TANC1: variants seen among roughly 807,000 people sequenced by gnomAD.
TANC1 encodes the protein protein TANC1.
TANC1 carries 77 observed loss-of-function variants against 149.7 expected under a neutral mutation model. That is an observed-to-expected ratio of 0.51 (90% CI 0.43 to 0.62). The LOEUF (loss-of-function observed/expected upper bound fraction) is 0.62, where lower values mean the gene tolerates loss of function less well. Ranked by LOEUF, TANC1 falls within the 20% of genes least tolerant of loss-of-function variation. TANC1 has a pLI of 0.00. For missense variants in TANC1, 1,985 were observed against 2,321.8 expected, an observed-to-expected ratio of 0.85 and a Z score of 2.98; for synonymous variants, 854 against 925.0, an observed-to-expected ratio of 0.92 and a Z score of 1.39.
chr2:159,150,349 C>T (rs749467223), intron 6 of TANC1, 21 bp from the exon 7 acceptor site: 1 of 1,608,558 alleles, frequency 6.2e-7, no homozygotes, highest in Admixed American at 1.7e-5. Flanking sequence ...GTGCTAACTC[C>T]TCCTTCCATT....
In TANC1 at chr2:159,196,751, G is replaced by A; in HGVS notation, c.3123G>A (p.Leu1041=). ...QPGTLRKSHA[L]QQALTAAASM... is the part of the protein sequence containing the mutation. ...GCACCCTGAGGAAGAGCCACGCCCT[G>A]CAGCAGGCGCTGACCGCGGCGGCCA... Residue 1041 remains leucine (L), a synonymous_variant, in exon 18 of 27, where the codon CTG becomes CTA. Coordinates refer to ENST00000263635, the MANE Select transcript of TANC1 (RefSeq NM_033394.3). The A allele has an allele frequency of 3.1e-6, 5 of 1,613,432 alleles. No individual in the cohort carries two copies. The highest frequency in any genetic ancestry group is 2.2e-5 in the East Asian group (1 of 44,872).
At chr2:159,081,034 C>T (rs1296122091) in intron 3 of TANC1, among the ~76,000 whole-genome samples, 2 of 152,200 alleles carry the variant, frequency 1.3e-5, no homozygotes, top group East Asian at 3.9e-4. Context: ...AGCCATGTCC[C>T]ACCACATCCT....
intron 15 of TANC1, among the ~76,000 whole-genome samples, 156 bp downstream of exon 15, chr2:159,186,055 G>A (rs537066601): frequency 6.6e-6 from 1 of 152,120 alleles, no homozygotes; most frequent in African/African-American, 2.4e-5. Context: ...AAAAGTAACC[G>A]CTGTTCTGAC....
chr2:159,054,666 C>T (rs941246231), intron 2 of TANC1, among the ~76,000 whole-genome samples: 1 of 152,182 alleles, frequency 6.6e-6, no homozygotes, highest in Non-Finnish European at 1.5e-5. Flanking sequence ...ATTTTAATTT[C>T]CTTAGGTTTA....
intron 3 of TANC1, among the ~76,000 whole-genome samples, chr2:159,071,911 C>T (rs1447745842): frequency 6.6e-6 from 1 of 152,130 alleles, no homozygotes; most frequent in Non-Finnish European, 1.5e-5. Flanking sequence ...TTTACTGGGG[C>T]ATTTAAACAA....
intron 2 of TANC1, among the ~76,000 whole-genome samples, chr2:159,033,952 CA>C (rs1441491111): frequency 6.6e-6 from 1 of 152,006 alleles, no homozygotes; most frequent in African/African-American, 2.4e-5. Flanking sequence ...CAGTAAAAAA[CA>C]AAAACAAAAA....
At chr2:159,004,734 C>CA (rs927412220) in intron 2 of TANC1, among the ~76,000 whole-genome samples, 11 of 151,430 alleles carry the variant, frequency 7.3e-5, no homozygotes, top group South Asian at 2.1e-4. Flanking sequence ...AACAAACAAA[C>CA]AAAAAAAACC....
intron 4 of TANC1, among the ~76,000 whole-genome samples, chr2:159,104,641 T>C (rs1239252529): frequency 1.1e-5 from 1 of 93,014 alleles, no homozygotes; most frequent in Non-Finnish European, 3.0e-5. Context: ...CTCAACCTCC[T>C]GGGCTCAAGC....
rs75704636 is a variant in TANC1 at position 159,225,791 on chromosome 2, C to A, written c.3903+12C>A. 2 of 1,602,978 alleles carry A rather than the reference C, an allele frequency of 1.2e-6. No homozygotes were observed. Among genetic ancestry groups the A allele is most frequent in the East Asian group, 4.5e-5 (2 of 44,786 alleles). The stretch of plus-strand genomic sequence containing the variant: ...ATGTGATGTACAAAGTAAGTGGTTC[C>A]GCCCTTTTCTTTGCCATTGAAACTG... On this transcript the variant is annotated intron_variant, in intron 24 of 26. Coordinates refer to ENST00000263635, the MANE Select transcript of TANC1 (RefSeq NM_033394.3).
chr2:159,197,370 GCTTT>G (rs1418782560), intron 18 of TANC1, among the ~76,000 whole-genome samples: 2 of 152,126 alleles, frequency 1.3e-5, no homozygotes, highest in Admixed American at 6.5e-5. Flanking sequence ...GTGTGTCTTG[GCTTT>G]CTTTATCTGT....
At chr2:159,059,938 G>T (rs11683839) in intron 2 of TANC1, among the ~76,000 whole-genome samples, 50,170 of 135,550 alleles carry the variant, frequency 0.37, 9,488 homozygotes, top group Middle Eastern at 0.42. Context: ...GTGGTTTTTT[G>T]TTGTTGTTGT....
At chr2:158,979,676 G>A (rs2034081699) in intron 1 of TANC1, among the ~76,000 whole-genome samples, 1 of 152,058 alleles carries the variant, frequency 6.6e-6, no homozygotes, top group Non-Finnish European at 1.5e-5. Flanking sequence ...TTATTTTCAT[G>A]AGTCTTTGGA....
chr2:159,188,335 A>T (rs1559423120), intron 16 of TANC1, among the ~76,000 whole-genome samples: 1 of 152,232 alleles, frequency 6.6e-6, no homozygotes, highest in Admixed American at 6.5e-5. Flanking sequence ...AATTAAAGTG[A>T]CTTGCTCTGG....
chr2:159,102,954 A>G (rs1433567460), intron 4 of TANC1, among the ~76,000 whole-genome samples: 1 of 83,538 alleles, frequency 1.2e-5, no homozygotes, highest in African/African-American at 3.3e-5. Flanking sequence ...TCCTGATCCC[A>G]CGATCCGCCC....
At chr2:159,144,685 C>G (rs1221725579) in intron 5 of TANC1, among the ~76,000 whole-genome samples, 2 of 152,186 alleles carry the variant, frequency 1.3e-5, no homozygotes, top group African/African-American at 2.4e-5. Flanking sequence ...GTGTAAGCCA[C>G]CGCATCCGGC....
intron 3 of TANC1, among the ~76,000 whole-genome samples, chr2:159,075,180 T>C (rs148354051): frequency 6.6e-6 from 1 of 152,304 alleles, no homozygotes; most frequent in East Asian, 1.9e-4. Flanking sequence ...GAATGTTTAT[T>C]ACACTTAAGA....
chr2:159,086,157 A>T (rs2044825586), intron 3 of TANC1, among the ~76,000 whole-genome samples: 1 of 152,078 alleles, frequency 6.6e-6, no homozygotes, highest in African/African-American at 2.4e-5. Context: ...ACCTTCAAGA[A>T]AGTGCTGTGA....
intron 4 of TANC1, among the ~76,000 whole-genome samples, chr2:159,108,655 C>T (rs533643991): frequency 1.2e-4 from 18 of 152,268 alleles, no homozygotes; most frequent in East Asian, 9.7e-4. Context: ...TATTCCAGCT[C>T]GACTCATCAG....
intron 2 of TANC1, among the ~76,000 whole-genome samples, chr2:159,044,331 G>A (rs752942655): frequency 2.0e-5 from 3 of 152,020 alleles, no homozygotes; most frequent in Admixed American, 1.3e-4. Flanking sequence ...CAAGCTACTC[G>A]GGAGGCTGAG....
Sources: gnomAD v4.1 joint callset for allele counts (sites outside exome capture counted in the v4.1 genomes callset) on GRCh38, gnomAD v4.1.1 for gene constraint, MANE v1.5 for transcripts, NCBI Gene and HGNC (gene_info 2026-07-23, HGNC 2026-07-21) for gene names.